The following DPYD variants were observed in gnomAD, a reference collection of about 807,000 sequenced individuals.
DPYD encodes dihydropyrimidine dehydrogenase [NADP(+)].
In DPYD, 109 loss-of-function variants were observed where a neutral mutation model predicts 116.2. The ratio of observed to expected loss-of-function variants is 0.94; its 90% CI spans 0.80 to 1.10. The LOEUF (loss-of-function observed/expected upper bound fraction) is 1.10. Among genes scored for constraint, DPYD ranks in the 50% least tolerant of loss-of-function variants. The pLI is 0.00. For synonymous variants in DPYD, 440 were observed against 432.0 expected, an observed-to-expected ratio of 1.02 and a Z score of -0.23; for missense variants, 1,302 against 1,254.5, an observed-to-expected ratio of 1.04 and a Z score of -0.57.
chr1:97,544,202 G>C (rs1205530511), intron 12 of DPYD, among the ~76,000 whole-genome samples: 3 of 152,132 alleles, frequency 2.0e-5, no homozygotes, highest in Non-Finnish European at 4.4e-5. Flanking sequence ...AGGTGATAGA[G>C]GCCAGAACTA....
intron 5 of DPYD, chr1:97,720,809 A>T: frequency 1.3e-6 from 2 of 1,571,940 alleles, no homozygotes; most frequent in Non-Finnish European, 1.7e-6. Context: ...CATTTAAATG[A>T]TACATGGGAA....
intron 2 of DPYD, among the ~76,000 whole-genome samples, chr1:97,839,337 T>G (rs767022041): frequency 4.6e-5 from 7 of 152,244 alleles, no homozygotes; most frequent in Admixed American, 1.3e-4. Context: ...GTCTCCAACC[T>G]AACATCTAAT....
chr1:97,837,222 C>T (rs1483552510), intron 2 of DPYD, among the ~76,000 whole-genome samples: 4 of 151,992 alleles, frequency 2.6e-5, no homozygotes, highest in African/African-American at 9.7e-5. Context: ...GCATGTAATC[C>T]TCTTTAATTA....
intron 3 of DPYD, among the ~76,000 whole-genome samples, chr1:97,795,698 A>G (rs1667539008): frequency 6.6e-6 from 1 of 151,932 alleles, no homozygotes; most frequent in South Asian, 2.1e-4. Flanking sequence ...ACACTCCTAT[A>G]TTATTTTATA....
rs1175308655 is a variant in DPYD at position 97,291,387 on chromosome 1, C to G, written c.2299+13872G>C. Among the ~76,000 whole-genome samples the G allele has an allele frequency of 2.6e-5, 4 of 151,898 alleles. No individual in the cohort carries two copies. In the East Asian group the frequency reaches 7.7e-4, roughly 29 times the overall value. ...ATGCTGCTATAAAGACACATGCACA[C>G]GTATGTTTATTGTGGCACTATTCAC... On this transcript the variant is annotated intron_variant, in intron 18 of 22. Coordinates refer to ENST00000370192, the MANE Select transcript of DPYD (RefSeq NM_000110.4).
chr1:97,833,109 T>C (rs1360396834), intron 2 of DPYD, among the ~76,000 whole-genome samples: 1 of 151,986 alleles, frequency 6.6e-6, no homozygotes, highest in Non-Finnish European at 1.5e-5. Flanking sequence ...ATAATTATGA[T>C]AACTAAAACT....
intron 8 of DPYD, among the ~76,000 whole-genome samples, chr1:97,660,374 A>G (rs1480953963): frequency 1.3e-5 from 2 of 152,282 alleles, no homozygotes; most frequent in Admixed American, 6.5e-5. Context: ...TATAAACAAT[A>G]AAACTAATGT....
At chr1:97,332,928 A>C (rs969576342) in intron 16 of DPYD, among the ~76,000 whole-genome samples, 1 of 152,152 alleles carries the variant, frequency 6.6e-6, no homozygotes, top group Non-Finnish European at 1.5e-5. Context: ...TCACATGGCT[A>C]AGAATGAGTT....
chr1:97,918,678 G>T (rs569063775), intron 1 of DPYD, among the ~76,000 whole-genome samples: 6 of 152,236 alleles, frequency 3.9e-5, no homozygotes, highest in African/African-American at 1.4e-4. Context: ...GATATTTCTT[G>T]GCTGTTTCAC....
chr1:97,206,646 A>T (rs1659627969), intron 19 of DPYD, among the ~76,000 whole-genome samples: 1 of 42,032 alleles, frequency 2.4e-5, no homozygotes, highest in Non-Finnish European at 3.7e-5. Context: ...TTTTATATAT[A>T]TATATATATA....
intron 16 of DPYD, among the ~76,000 whole-genome samples, chr1:97,324,748 T>A (rs1471973787): frequency 6.6e-6 from 1 of 152,054 alleles, no homozygotes; most frequent in African/African-American, 2.4e-5. Context: ...TAAGCCCTCA[T>A]ATAATTCAGG....
intron 11 of DPYD, among the ~76,000 whole-genome samples, chr1:97,564,493 G>C (rs1652381899): frequency 6.6e-6 from 1 of 152,182 alleles, no homozygotes; most frequent in African/African-American, 2.4e-5. Context: ...AGGTATAGTA[G>C]TGAAAAGACA....
chr1:97,660,857 C>T (rs1344284404), intron 8 of DPYD, among the ~76,000 whole-genome samples: 1 of 152,124 alleles, frequency 6.6e-6, no homozygotes, highest in African/African-American at 2.4e-5. Context: ...CTTTTCTGGT[C>T]TCTTCCTGTT....
At chr1:97,555,744 T>C (rs1018351581) in intron 11 of DPYD, among the ~76,000 whole-genome samples, 3 of 152,082 alleles carry the variant, frequency 2.0e-5, no homozygotes, top group African/African-American at 2.4e-5. Context: ...TCCTTTTTAA[T>C]ACCACTAAGG....
intron 4 of DPYD, among the ~76,000 whole-genome samples, chr1:97,727,200 A>G (rs1663314210): frequency 6.6e-6 from 1 of 151,692 alleles, no homozygotes. Flanking sequence ...TAAATGGGTA[A>G]CAGTCAAAAT....
intron 13 of DPYD, among the ~76,000 whole-genome samples, chr1:97,469,939 C>G (rs935106582): frequency 1.3e-5 from 2 of 152,000 alleles, no homozygotes; most frequent in African/African-American, 4.8e-5. Flanking sequence ...ATATAAAAGC[C>G]CTCAGCCAGG....
chr1:97,808,213 T>C (rs1373425243), intron 3 of DPYD, among the ~76,000 whole-genome samples: 2 of 152,160 alleles, frequency 1.3e-5, no homozygotes, highest in Admixed American at 6.6e-5. Flanking sequence ...AGAACCAACA[T>C]CTTGAGAATT....
chr1:97,376,892 T>TATATATATATATATATATATATATATAC (rs1557668504), intron 15 of DPYD, among the ~76,000 whole-genome samples: 1 of 148,076 alleles, frequency 6.8e-6, no homozygotes, highest in Admixed American at 6.9e-5. Flanking sequence ...TGTGTGTATA[T>TATATATATATATATATATATATATATAC]ATATATATAT....
rs528405274 is a variant in DPYD at position 97,813,720 on chromosome 1, A to T, written c.233+14394T>A. ...GACAGAGCTATAAGCCTGAAGTTAG[A>T]AAACATACTAAATTAAACTAAATTT... On this transcript the variant is annotated intron_variant, in intron 3 of 22. Transcript: ENST00000370192. Among the ~76,000 whole-genome samples the T allele has an allele frequency of 1.3e-3, 199 of 152,328 alleles. 1 individual carries two copies. The highest frequency in any genetic ancestry group is 1.9e-3 in the Non-Finnish European group (132 of 68,028).
Sources: allele counts gnomAD v4.1 joint callset (sites outside exome capture counted in the v4.1 genomes callset), GRCh38; gene constraint gnomAD v4.1.1; transcripts MANE v1.5; gene names NCBI Gene and HGNC (gene_info 2026-07-23, HGNC 2026-07-21).